The following PPEF1 variants were observed in gnomAD, a reference collection of about 807,000 sequenced individuals.
PPEF1 encodes the protein protein phosphatase with EF-hand domain 1.
A neutral mutation model predicts 53.3 loss-of-function variants in PPEF1; 12 were observed. The observed-to-expected ratio is 0.23, with a 90% CI of 0.14 to 0.36. The LOEUF (loss-of-function observed/expected upper bound fraction) is 0.36, where lower values mean the gene tolerates loss of function less well. PPEF1 is among the 10% of genes least tolerant of loss of function. The pLI, the probability that PPEF1 is intolerant of heterozygous loss-of-function variation, is 1.00. For synonymous variants in PPEF1, 165 were observed against 176.7 expected, an observed-to-expected ratio of 0.93 and a Z score of 0.52; for missense variants, 334 against 490.4, an observed-to-expected ratio of 0.68 and a Z score of 3.01.
At chrX:18,780,481 G>A (rs1379956826) in intron 7 of PPEF1, among the ~76,000 whole-genome samples, 2 of 112,149 alleles carry the variant, frequency 1.8e-5, no homozygotes, top group Non-Finnish European at 3.8e-5. Context: ...GAAATGATTG[G>A]ATGGTTCAAA....
At chrX:18,760,411 T>G (rs2045636620) in intron 5 of PPEF1, among the ~76,000 whole-genome samples, 1 of 111,254 alleles carries the variant, frequency 9.0e-6, no homozygotes, top group Non-Finnish European at 1.9e-5. Context: ...ATGCTGCTAC[T>G]GGAGTATATT....
At position 18,751,744 on chromosome X, in the gene PPEF1, C is replaced by A. The variant is rs2045448889; in HGVS notation, c.396+1792C>A. ...GCAGTGAGCCGAGATCGTGCCACTG[C>A]ACCCTAGCCTGGGCGAGAAAGCGAG... On this transcript the variant is annotated intron_variant, in intron 4 of 15. Transcript: ENST00000470157. Among the ~76,000 whole-genome samples the A allele has an allele frequency of 2.7e-5, 3 of 112,347 alleles. No homozygotes were observed. The South Asian group carries it at 1.1e-3, about 41-fold the overall frequency.
Position 18,800,458 on chromosome X carries a change from G to A in PPEF1, c.1066-3434G>A, listed in dbSNP as rs185648304. ...TTGTGGACTCAACCAATAACAGATTGAAAATATTTGGAAAAAAAGAAAACA... is the reference window on the plus strand; with the variant it reads ...TTGTGGACTCAACCAATAACAGATTAAAAATATTTGGAAAAAAAGAAAACA... On this transcript the variant is annotated intron_variant, in intron 10 of 15. Coordinates refer to ENST00000470157, the MANE Select transcript of PPEF1 (RefSeq NM_001377996.1). 1.6e-4 allele frequency among the ~76,000 whole-genome samples: 18 copies of A among 110,621 alleles called. No individual in the cohort carries two copies. In the East Asian group the frequency reaches 5.0e-3, roughly 31 times the overall value.
chrX:18,827,797 A>C lies in PPEF1; in HGVS notation c.*310A>C, dbSNP rs2047326491. On this transcript the variant is annotated 3_prime_UTR_variant, in exon 16 of 16. Coordinates refer to ENST00000470157, the MANE Select transcript of PPEF1 (RefSeq NM_001377996.1). ...ACCAGGAGGCCAGAGCGGTTTGAAAACATCCTGAAAGGAACTCATACAGCA... is the reference window on the plus strand; with the variant it reads ...ACCAGGAGGCCAGAGCGGTTTGAAACCATCCTGAAAGGAACTCATACAGCA... 4.7e-6 allele frequency: 1 copy of C among 214,691 alleles called. No homozygotes were observed. The highest frequency in any genetic ancestry group is 2.8e-5 in the African/African-American group (1 of 35,525). 17.7% of individuals were successfully genotyped at this position (214,691 alleles called of 1,213,427 possible).
intron 2 of PPEF1, among the ~76,000 whole-genome samples, chrX:18,731,092 C>A (rs757340350): frequency 8.9e-6 from 1 of 112,592 alleles, no homozygotes; most frequent in South Asian, 3.6e-4. Flanking sequence ...TAACAATAAA[C>A]AGATCTTAGA....
At chrX:18,740,453 A>G (rs1602400998) in intron 3 of PPEF1, among the ~76,000 whole-genome samples, 1 of 100,754 alleles carries the variant, frequency 9.9e-6, no homozygotes, top group Non-Finnish European at 2.0e-5. Flanking sequence ...TCTGTTTCCC[A>G]GGCTGCAGTG....
At chrX:18,695,604 A>G (rs1040775846) in intron 4 of PPEF1, among the ~76,000 whole-genome samples, 3 of 112,132 alleles carry the variant, frequency 2.7e-5, no homozygotes, top group Admixed American at 9.4e-5. Flanking sequence ...TCCCTTTTCC[A>G]TCTTACCCAG....
chrX:18,742,140 C>G (rs1201852020), intron 3 of PPEF1, among the ~76,000 whole-genome samples: 1 of 111,092 alleles, frequency 9.0e-6, no homozygotes, highest in African/African-American at 3.3e-5. Context: ...TTGTAAGAAT[C>G]ATCCTTGTAA....
Position 18,779,132 on chromosome X carries a change from G to A in PPEF1, c.681G>A (p.Leu227=). 1 of 1,208,479 alleles carries A rather than the reference G, an allele frequency of 8.3e-7. No homozygotes were observed. Among genetic ancestry groups the A allele is most frequent in the Non-Finnish European group, 1.1e-6 (1 of 893,416 alleles). Residue 227 remains leucine (L), a synonymous_variant, in exon 7 of 16, where the codon CTG becomes CTA. Transcript: ENST00000470157. ...CVSFLVYPND[L]HLNRGNHEDF... The stretch of plus-strand genomic sequence containing the variant: ...GTTTTCTTGTCTACCCCAATGACCT[G>A]CACTTGAACAGAGGGAACCACGAAG...
intron 1 of PPEF1, among the ~76,000 whole-genome samples, chrX:18,712,444 T>G (rs2044350768): frequency 8.9e-6 from 1 of 112,179 alleles, no homozygotes; most frequent in Non-Finnish European, 1.9e-5. Flanking sequence ...TTAATTTCAT[T>G]TTTGGATTGT....
chrX:18,733,370 G>A (rs950856615), intron 2 of PPEF1, among the ~76,000 whole-genome samples: 4 of 111,946 alleles, frequency 3.6e-5, no homozygotes, highest in Middle Eastern at 4.6e-3. Context: ...AGACAGGACA[G>A]GGGAGAAGCT....
At chrX:18,821,778 AGAGAGAGAGAGAGAGAGAGAGAG>A (rs1569273798) in intron 13 of PPEF1, among the ~76,000 whole-genome samples, 3 of 103,214 alleles carry the variant, frequency 2.9e-5, no homozygotes, top group African/African-American at 1.1e-4. Flanking sequence ...AGAGAGAGAG[AGAGAGAGAGAGAGAGAGAGAGAG>A]AGAAAACAAA....
At chrX:18,707,904 T>C in intron 1 of PPEF1, 78 bp downstream of exon 1, 3 of 951,562 alleles carry the variant, frequency 3.2e-6, no homozygotes, top group Admixed American at 2.3e-5. Context: ...TCCTTTCTCA[T>C]TTACTCCCAC....
chrX:18,814,756 C>T (rs908221696), intron 12 of PPEF1, among the ~76,000 whole-genome samples: 9 of 111,788 alleles, frequency 8.1e-5, no homozygotes, highest in African/African-American at 2.9e-4. Flanking sequence ...TTGTTGCATA[C>T]ATAGTTTGTG....
At chrX:18,689,217 A>G (rs982572227) in intron 3 of PPEF1, among the ~76,000 whole-genome samples, 1 of 110,326 alleles carries the variant, frequency 9.1e-6, no homozygotes, top group African/African-American at 3.3e-5. Flanking sequence ...TCCAAAAGCT[A>G]TGAATGAGGC....
intron 13 of PPEF1, among the ~76,000 whole-genome samples, chrX:18,823,278 A>C (rs1215568249): frequency 8.9e-6 from 1 of 112,216 alleles, no homozygotes; most frequent in Non-Finnish European, 1.9e-5. Flanking sequence ...TGACAGGTGA[A>C]TAATACATCT....
chrX:18,680,975 T>C (rs1409432204), upstream of PPEF1, among the ~76,000 whole-genome samples: 2 of 111,517 alleles, frequency 1.8e-5, no homozygotes, highest in African/African-American at 3.3e-5. Flanking sequence ...CATAGTATTC[T>C]ATGGTGTATA....
At chrX:18,766,819 C>G (rs925180620) in intron 6 of PPEF1, among the ~76,000 whole-genome samples, 1 of 112,050 alleles carries the variant, frequency 8.9e-6, no homozygotes, top group African/African-American at 3.2e-5. Flanking sequence ...GAGGCTGAGG[C>G]GGGTGGATCA....
At chrX:18,799,211 C>T (rs184855443) in intron 10 of PPEF1, among the ~76,000 whole-genome samples, 48 of 102,806 alleles carry the variant, frequency 4.7e-4, no homozygotes, top group Admixed American at 2.9e-3. Flanking sequence ...CCAGCCTGGG[C>T]GACAGAGCAA....
Sources: allele counts gnomAD v4.1 joint callset (sites outside exome capture counted in the v4.1 genomes callset), GRCh38; gene constraint gnomAD v4.1.1; transcripts MANE v1.5; gene names NCBI Gene and HGNC (gene_info 2026-07-23, HGNC 2026-07-21).